ZSCAN18: variants seen among roughly 807,000 people sequenced by gnomAD.
ZSCAN18 encodes zinc finger and SCAN domain-containing protein 18.
Under a neutral mutation model 31.1 loss-of-function variants are expected in ZSCAN18, and 16 were observed. The ratio of observed to expected loss-of-function variants is 0.51; its 90% CI spans 0.35 to 0.78. The LOEUF is 0.78. ZSCAN18 is among the 30% of genes least tolerant of loss of function. The pLI is 0.01. For synonymous variants in ZSCAN18, 375 were observed against 320.7 expected (o/e 1.17, Z -1.81); for missense variants, 731 against 697.4 (o/e 1.05, Z -0.54).
chr19:58,089,703 G>C (rs1254077009), intron 2 of ZSCAN18, among the ~76,000 whole-genome samples, 162 bp downstream of exon 2: 1 of 152,222 alleles, frequency 6.6e-6, no homozygotes, highest in Non-Finnish European at 1.5e-5. Flanking sequence ...CTTACATCTA[G>C]AAGGCAGGAG....
In ZSCAN18 at chr19:58,085,259, C is replaced by A; in HGVS notation, c.959G>T (p.Gly320Val). The change falls in exon 7 of 7, where the codon GGC becomes GTC. Residue 320 changes from glycine (G) to valine (V), a missense_variant. Coordinates refer to ENST00000601144, the MANE Select transcript of ZSCAN18 (RefSeq NM_001145543.2). ...PGDALADPPS[G>V]TTEEEEEQPG... ...CTGCTCTTCCTCCTCCTCAGTGGTG[C>A]CCGACGGGGGATCGGCAAGGGCGTC... 1 of 1,604,446 alleles carries A rather than the reference C, an allele frequency of 6.2e-7. No individual in the cohort carries two copies. The highest frequency in any genetic ancestry group is 8.5e-7 in the Non-Finnish European group (1 of 1,178,138).
In ZSCAN18 at chr19:58,084,364, A is replaced by T; in HGVS notation, c.*321T>A. On this transcript the variant is annotated 3_prime_UTR_variant, in exon 7 of 7. Coordinates refer to ENST00000601144, the MANE Select transcript of ZSCAN18 (RefSeq NM_001145543.2). The surrounding 1 kb of genome is among the most constrained non-coding windows in gnomAD (Gnocchi z 4.5). ...AAGCACTGGCAGATCACGCACTTTA[A>T]GGCAACTCTACACTGCACAATGTCA... 3.6e-6 allele frequency: 1 copy of T among 279,750 alleles called. No homozygotes were observed. Among genetic ancestry groups the T allele is most frequent in the Non-Finnish European group, 6.6e-6 (1 of 150,778 alleles). The allele number at this position is 279,750 out of a possible 1,614,324, so 17.3% of individuals were successfully genotyped here.
Position 58,118,244 on chromosome 19 carries a change from C to A in ZSCAN18, c.130+23G>T, listed in dbSNP as rs985732333. ...CACGCAGCCACCGCCCAGCCCCAGC[C>A]GCTCTGGAGTCCTTGACCCCACCCT... On this transcript the variant is annotated intron_variant, in intron 1 of 1. Transcript: ENST00000595721. The A allele has an allele frequency of 1.3e-5, 16 of 1,247,112 alleles. No individual in the cohort carries two copies. The African/African-American group carries it at 2.4e-4, about 18-fold the overall frequency. 77.3% of individuals were successfully genotyped at this position (1,247,112 alleles called of 1,614,324 possible).
At position 58,098,142 on chromosome 19, in the gene ZSCAN18, A is replaced by AC. The variant is rs1189126344; in HGVS notation, c.-120+31dup. The AC allele has an allele frequency of 1.8e-5, 18 of 985,048 alleles. No individual in the cohort carries two copies. The East Asian group carries it at 2.0e-3, about 107-fold the overall frequency. 61.0% of individuals were successfully genotyped at this position (985,048 alleles called of 1,614,324 possible). A position where few individuals can be genotyped will look rare whatever the true frequency, so the allele number is the denominator to read the frequency against. The stretch of plus-strand genomic sequence containing the variant: ...TCTACCCTGTTGGGGTCGCTCTCTG[A>AC]CCCCCGCGCTGCATCCCCGGGACCG... On this transcript the variant is annotated intron_variant, in intron 1 of 6. Coordinates refer to ENST00000601144, the MANE Select transcript of ZSCAN18 (RefSeq NM_001145543.2).
At chr19:58,091,659 T>G (rs1239221072) in intron 1 of ZSCAN18, among the ~76,000 whole-genome samples, 1 of 152,114 alleles carries the variant, frequency 6.6e-6, no homozygotes. Context: ...AAGCCAGTAT[T>G]CAGGATGAAC....
chr19:58,088,753 G>A lies in ZSCAN18; in HGVS notation c.488C>T (p.Pro163Leu). Residue 163 changes from proline to leucine, a missense_variant, in exon 3 of 7, where the codon CCA (proline) becomes CTA (leucine). Pro to Leu is a moderately conservative substitution (Grantham distance 98). Transcript: ENST00000601144. Reference protein sequence around the residue: ...YERHMDPLLLPGELASPSQAL... With the variant: ...YERHMDPLLLLGELASPSQAL... The stretch of plus-strand genomic sequence containing the variant: ...CTGGCTGGGGCTCGCGAGCTCGCCT[G>A]GTAGCAGCAGAGGGTCCATGTGCCT... The A allele has an allele frequency of 6.2e-7, 1 of 1,609,584 alleles. No homozygotes were observed. The highest frequency in any genetic ancestry group is 8.5e-7 in the Non-Finnish European group (1 of 1,179,968).
At chr19:58,103,131 A>T (rs972419949), upstream of ZSCAN18, among the ~76,000 whole-genome samples, 4 of 149,786 alleles carry the variant, frequency 2.7e-5, no homozygotes, top group African/African-American at 7.3e-5. Context: ...AAAAAAAAAT[A>T]AAAAAATAAA....
intron 1 of ZSCAN18, among the ~76,000 whole-genome samples, chr19:58,106,887 A>T (rs1326480095): frequency 6.6e-6 from 1 of 151,602 alleles, no homozygotes; most frequent in South Asian, 2.1e-4. Context: ...CAGTCTCCTG[A>T]GTAGCTGGGA....
At chr19:58,089,674 C>T (rs1476159772) in intron 2 of ZSCAN18, among the ~76,000 whole-genome samples, 191 bp downstream of exon 2, 1 of 152,250 alleles carries the variant, frequency 6.6e-6, no homozygotes, top group Admixed American at 6.5e-5. Flanking sequence ...TGGTCCCTTT[C>T]CCTCATTCCT....
At position 58,087,410 on chromosome 19, in the gene ZSCAN18, GAGA is replaced by G. The variant is rs768002484; in HGVS notation, c.554-9_554-7del. 2.8e-5 allele frequency: 45 copies of G among 1,595,740 alleles called. No individual in the cohort carries two copies. The Admixed American group carries it at 7.0e-4, about 25-fold the overall frequency. On this transcript the variant is annotated splice_polypyrimidine_tract_variant and splice_region_variant and intron_variant, in intron 3 of 6. Coordinates refer to ENST00000601144, the MANE Select transcript of ZSCAN18 (RefSeq NM_001145543.2). ...GGGGTCCGGAGAAAGCCAGGCTGGG[GAGA>G]AGGAGAGGCAGAGCTGAGGCAATGA... is the stretch of plus-strand genomic sequence containing the variant.
chr19:58,099,290 G>A (rs1165689295), upstream of ZSCAN18, among the ~76,000 whole-genome samples: 1 of 152,080 alleles, frequency 6.6e-6, no homozygotes, highest in Non-Finnish European at 1.5e-5. Flanking sequence ...CCCAGGAACA[G>A]CTAATCTAAG....
upstream of ZSCAN18, among the ~76,000 whole-genome samples, chr19:58,100,998 T>G (rs2074588599): frequency 6.6e-6 from 1 of 152,192 alleles, no homozygotes; most frequent in Admixed American, 6.6e-5. Context: ...AAAAAATCAG[T>G]CAGGAATATC....
intron 3 of ZSCAN18, 175 bp downstream of exon 3, chr19:58,088,513 A>C (rs1411074908): frequency 6.6e-6 from 4 of 608,260 alleles, no homozygotes; most frequent in Non-Finnish European, 1.1e-5. Flanking sequence ...CTGAAGACTA[A>C]TTTAATAAAC....
chr19:58,104,476 A>G (rs1029683523), intron 1 of ZSCAN18, among the ~76,000 whole-genome samples: 1 of 152,064 alleles, frequency 6.6e-6, no homozygotes, highest in Non-Finnish European at 1.5e-5. Context: ...AGATGGGCAG[A>G]TCACCTGAGG....
Position 58,084,680 on chromosome 19 carries a change from G to A in ZSCAN18, c.*5C>T, listed in dbSNP as rs1300148782. ...GGCCCCTCCGGAACGGGACAGCACA[G>A]CGGCTCACCTCTGCGCCTCTGGGGG... is the stretch of plus-strand genomic sequence containing the variant. On this transcript the variant is annotated 3_prime_UTR_variant, in exon 7 of 7. Transcript: ENST00000601144. This position sits in a 1 kb window ranked among gnomAD's most constrained non-coding sequence, Gnocchi z 4.5. The A allele has an allele frequency of 4.0e-6, 6 of 1,486,540 alleles. No individual in the cohort carries two copies. The Admixed American group carries it at 9.5e-5, about 23-fold the overall frequency. 92.1% of individuals were successfully genotyped at this position (1,486,540 alleles called of 1,614,324 possible).
intron 1 of ZSCAN18, among the ~76,000 whole-genome samples, chr19:58,110,492 G>C (rs1462095411): frequency 1.3e-5 from 2 of 152,078 alleles, no homozygotes; most frequent in Non-Finnish European, 2.9e-5. Flanking sequence ...ACCCTGAAGA[G>C]ACCAAAAGCT....
Position 58,084,847 on chromosome 19 carries a change from G to T in ZSCAN18, c.1371C>A (p.Ala457=). ...CCTTCTCGTGGGTCTTCTGGTGCTC[G>T]GCTAGGGCCAGGCTGAAGTGGAAGG... ...WKTFHFSLAL[A]EHQKTHEKEK... is the part of the protein sequence containing the mutation. Residue 457 remains alanine (A), a synonymous_variant, in exon 7 of 7, where the codon GCC becomes GCA. Coordinates refer to ENST00000601144, the MANE Select transcript of ZSCAN18 (RefSeq NM_001145543.2). This position sits in a 1 kb window ranked among gnomAD's most constrained non-coding sequence, Gnocchi z 4.5. The T allele has an allele frequency of 6.3e-7, 1 of 1,599,800 alleles. No homozygotes were observed. The highest frequency in any genetic ancestry group is 8.5e-7 in the Non-Finnish European group (1 of 1,175,142).
At chr19:58,112,792 A>C (rs544090220) in intron 1 of ZSCAN18, among the ~76,000 whole-genome samples, 5 of 150,884 alleles carry the variant, frequency 3.3e-5, no homozygotes, top group African/African-American at 1.2e-4. Flanking sequence ...TCTACTAAAA[A>C]CACAAAAAAT....
chr19:58,091,009 C>G (rs1258321688), intron 1 of ZSCAN18, among the ~76,000 whole-genome samples: 4 of 151,888 alleles, frequency 2.6e-5, no homozygotes, highest in African/African-American at 7.3e-5. Context: ...GTGGCTCACG[C>G]CCATAATCCC....
Sources: gnomAD v4.1 joint callset for allele counts (sites outside exome capture counted in the v4.1 genomes callset) on GRCh38, gnomAD v4.1.1 for gene constraint, Gnocchi (gnomAD v3.1) non-coding constraint, MANE v1.5 for transcripts, NCBI Gene and HGNC (gene_info 2026-07-23, HGNC 2026-07-21) for gene names.